FOXP1: variants seen among roughly 807,000 people sequenced by gnomAD.
FOXP1 encodes the protein forkhead box protein P1.
FOXP1 carries 15 observed loss-of-function variants against 98.2 expected under a neutral mutation model. The observed-to-expected ratio is 0.15, with a 90% CI of 0.10 to 0.24. FOXP1 has a LOEUF of 0.24. Ranked by LOEUF, FOXP1 falls within the 10% of genes least tolerant of loss-of-function variation. The pLI is 1.00. For missense variants in FOXP1, 633 were observed against 848.5 expected (o/e 0.75, Z 3.15); for synonymous variants, 371 against 314.5 (o/e 1.18, Z -1.90).
chr3:71,053,490 G>C, intron 8 of FOXP1, 146 bp downstream of exon 8: 2 of 875,558 alleles, frequency 2.3e-6, no homozygotes, highest in Non-Finnish European at 3.6e-6. Flanking sequence ...ATTATTCAGG[G>C]AGTGGTCTGT....
chr3:71,507,895 A>G (rs916105788), intron 2 of FOXP1, among the ~76,000 whole-genome samples: 8 of 152,278 alleles, frequency 5.3e-5, no homozygotes, highest in Non-Finnish European at 1.0e-4. Flanking sequence ...CTACTTTTTA[A>G]AGTTATTTGA....
chr3:71,033,057 T>C (rs147771483), intron 11 of FOXP1, among the ~76,000 whole-genome samples: 4 of 152,146 alleles, frequency 2.6e-5, no homozygotes, highest in African/African-American at 9.7e-5. Context: ...TGGTTCTCAC[T>C]CTTCTCCTGC....
intron 12 of FOXP1, among the ~76,000 whole-genome samples, chr3:71,009,832 T>C (rs748801855): frequency 6.6e-6 from 1 of 152,002 alleles, no homozygotes; most frequent in Non-Finnish European, 1.5e-5. Flanking sequence ...CACTGCGGCC[T>C]CGAACTTCTG....
rs762992547 is a variant in FOXP1, at chr3:71,318,648, T to TTTACATACTTTTCA, written c.-72-18769_-72-18768insTGAAAAGTATGTAA. Among the ~76,000 whole-genome samples the TTTACATACTTTTCA allele has an allele frequency of 5.4e-3, 818 of 152,324 alleles. 11 individuals carry two copies. The highest frequency in any genetic ancestry group is 0.03 in the East Asian group (156 of 5,178). On this transcript the variant is annotated intron_variant, in intron 4 of 20. Coordinates refer to ENST00000649528, the MANE Select transcript of FOXP1 (RefSeq NM_001349338.3). ...AATAAACTTTTTCACTATTTAGACG[T>TTTACATACTTTTCA]GGGCTGCTGTTGAATGTCAGGAGAA...
intron 11 of FOXP1, among the ~76,000 whole-genome samples, chr3:71,017,559 T>C (rs1238627034): frequency 6.6e-6 from 1 of 151,858 alleles, no homozygotes; most frequent in Non-Finnish European, 1.5e-5. Flanking sequence ...AAGGCACGAA[T>C]ATTTATATCA....
At chr3:71,186,464 G>A (rs1325336405) in intron 6 of FOXP1, among the ~76,000 whole-genome samples, 3 of 152,240 alleles carry the variant, frequency 2.0e-5, no homozygotes, top group Admixed American at 1.3e-4. Context: ...TGTAATCCCA[G>A]CACTTTGGGA....
intron 3 of FOXP1, among the ~76,000 whole-genome samples, chr3:71,421,805 A>T (rs1577410946): frequency 6.6e-6 from 1 of 152,054 alleles, no homozygotes; most frequent in South Asian, 2.1e-4. Context: ...AACCATCACC[A>T]CCTACCATAA....
intron 2 of FOXP1, among the ~76,000 whole-genome samples, chr3:71,495,474 T>C (rs537866557): frequency 6.6e-6 from 1 of 152,362 alleles, no homozygotes; most frequent in South Asian, 2.1e-4. Flanking sequence ...GTACTCAATA[T>C]GTATCTTTTG....
intron 4 of FOXP1, among the ~76,000 whole-genome samples, chr3:71,352,696 C>T (rs1416029474): frequency 6.6e-6 from 1 of 152,040 alleles, no homozygotes; most frequent in African/African-American, 2.4e-5. Flanking sequence ...GGCATACAGA[C>T]AGTAAAGGTA....
chr3:71,237,764 C>T (rs1484825446), intron 5 of FOXP1, among the ~76,000 whole-genome samples: 2 of 152,212 alleles, frequency 1.3e-5, no homozygotes, highest in Non-Finnish European at 2.9e-5. Flanking sequence ...TATGGACCCA[C>T]ATATCTATAA....
chr3:71,116,534 T>C (rs765108901), intron 6 of FOXP1, among the ~76,000 whole-genome samples: 2 of 152,244 alleles, frequency 1.3e-5, no homozygotes, highest in African/African-American at 2.4e-5. Flanking sequence ...ATAATTCATT[T>C]TGATGTGAAT....
intron 3 of FOXP1, among the ~76,000 whole-genome samples, chr3:71,417,396 A>T (rs2083297899): frequency 6.6e-6 from 1 of 152,190 alleles, no homozygotes; most frequent in Admixed American, 6.5e-5. Flanking sequence ...CCGGCACCAA[A>T]ACCAAAACCA....
intron 13 of FOXP1, among the ~76,000 whole-genome samples, chr3:70,999,352 G>T (rs2041823724): frequency 6.6e-6 from 1 of 152,082 alleles, no homozygotes; most frequent in African/African-American, 2.4e-5. Context: ...CCTCCCAAAG[G>T]GCTGTGATTA....
intron 14 of FOXP1, among the ~76,000 whole-genome samples, chr3:70,986,757 T>C (rs2039809030): frequency 6.7e-6 from 1 of 149,038 alleles, no homozygotes; most frequent in South Asian, 2.2e-4. Context: ...TGTAAAATAA[T>C]ACACGGAAAC....
At chr3:71,349,994 T>C (rs1210955411) in intron 4 of FOXP1, among the ~76,000 whole-genome samples, 1 of 152,244 alleles carries the variant, frequency 6.6e-6, no homozygotes, top group Non-Finnish European at 1.5e-5. Context: ...TTGTTAAAAT[T>C]CTGTAATTTA....
intron 6 of FOXP1, among the ~76,000 whole-genome samples, chr3:71,174,821 CACACA>C (rs1560064140): frequency 1.3e-5 from 2 of 151,162 alleles, no homozygotes; most frequent in South Asian, 2.1e-4. Flanking sequence ...CACACACACA[CACACA>C]CCCCAATATA....
At chr3:71,456,905 C>T (rs1388432879) in intron 3 of FOXP1, among the ~76,000 whole-genome samples, 1 of 151,362 alleles carries the variant, frequency 6.6e-6, no homozygotes, top group Non-Finnish European at 1.5e-5. Context: ...AGAAAATGCC[C>T]CATATGAAAA....
chr3:71,404,048 CAGATAATTACCTT>C (rs1014509436), intron 3 of FOXP1, among the ~76,000 whole-genome samples: 3 of 149,996 alleles, frequency 2.0e-5, no homozygotes, highest in African/African-American at 7.4e-5. Context: ...CGATGGCCTA[CAGATAATTACCTT>C]AGAGGAGGGG....
chr3:71,208,081 A>T (rs1169580959), intron 5 of FOXP1, among the ~76,000 whole-genome samples: 1 of 152,218 alleles, frequency 6.6e-6, no homozygotes, highest in African/African-American at 2.4e-5. Flanking sequence ...AACACATCAA[A>T]GTAAAAGTTA....
Sources: gnomAD v4.1 joint callset for allele counts (sites outside exome capture counted in the v4.1 genomes callset) on GRCh38, gnomAD v4.1.1 for gene constraint, MANE v1.5 for transcripts, NCBI Gene and HGNC (gene_info 2026-07-23, HGNC 2026-07-21) for gene names.